CAV3: variants seen among roughly 807,000 people sequenced by gnomAD.
CAV3 encodes caveolin 3.
CAV3 carries 10 observed loss-of-function variants against 13.4 expected under a neutral mutation model. The ratio of observed to expected loss-of-function variants is 0.75; its 90% confidence interval spans 0.46 to 1.27. CAV3 has a LOEUF of 1.27. Ranked by LOEUF, CAV3 falls within the 50% of genes most tolerant of loss-of-function variation. CAV3 has a pLI of 0.00. For synonymous variants in CAV3, 90 were observed against 79.0 expected (o/e 1.14, Z -0.74); for missense variants, 162 against 194.0 (o/e 0.83, Z 0.98).
chr3:8,745,091 G>C lies in CAV3; in HGVS notation c.115-435G>C, dbSNP rs147040369. On this transcript the variant is annotated intron_variant, in intron 1 of 1. Coordinates refer to ENST00000343849, the MANE Select transcript of CAV3 (RefSeq NM_033337.3). The surrounding 1 kb of genome is among the most constrained non-coding windows in gnomAD (Gnocchi z 4.8). ...GGGAGGTGATCGGATCACAGAGGCA[G>C]ATCCCTCGTGGCTTAGTGCTGTCCT... is the stretch of plus-strand genomic sequence containing the variant. 109 of 176,542 alleles carry C rather than the reference G, an allele frequency of 6.2e-4. No homozygotes were observed. Among genetic ancestry groups the C allele is most frequent in the Middle Eastern group, 5.6e-3 (2 of 356 alleles). The allele number at this position is 176,542 out of a possible 1,614,324, so 10.9% of individuals were successfully genotyped here.
chr3:8,744,722 T>A (rs1041661094), intron 1 of CAV3: 2 of 152,208 alleles, frequency 1.3e-5, no homozygotes, highest in African/African-American at 4.8e-5. Flanking sequence ...AATCCACAGG[T>A]GCTCAGTAAA....
At chr3:8,737,698 G>A (rs567650504) in intron 1 of CAV3, among the ~76,000 whole-genome samples, 6 of 152,272 alleles carry the variant, frequency 3.9e-5, no homozygotes, top group East Asian at 1.9e-4. Context: ...CTGAATGCCT[G>A]TTCAGCACAG....
chr3:8,741,942 C>T (rs1410404397), intron 1 of CAV3, among the ~76,000 whole-genome samples: 4 of 152,184 alleles, frequency 2.6e-5, no homozygotes, highest in African/African-American at 7.2e-5. Context: ...GAATGTGCAC[C>T]ATCGTTCCCC....
intron 1 of CAV3, among the ~76,000 whole-genome samples, chr3:8,735,602 TG>T (rs1269670208): frequency 6.6e-6 from 1 of 152,224 alleles, no homozygotes; most frequent in Admixed American, 6.5e-5. Context: ...TCCTGGCCAC[TG>T]GATCAGACAG....
intron 1 of CAV3, chr3:8,742,391 A>T: frequency 2.7e-6 from 1 of 367,354 alleles, no homozygotes; most frequent in South Asian, 2.0e-5. Context: ...GAAGAAGAAG[A>T]AAGATAATTA....
chr3:8,740,551 G>A (rs1707922638), intron 1 of CAV3, among the ~76,000 whole-genome samples: 1 of 152,188 alleles, frequency 6.6e-6, no homozygotes, highest in East Asian at 1.9e-4. Context: ...CTTCTGGCAG[G>A]TTCTTCTCTC....
chr3:8,741,268 G>A (rs1275648919), intron 1 of CAV3, among the ~76,000 whole-genome samples: 5 of 152,146 alleles, frequency 3.3e-5, no homozygotes, highest in African/African-American at 4.8e-5. Context: ...GAAAACAGCC[G>A]TACAGTTACA....
intron 1 of CAV3, among the ~76,000 whole-genome samples, chr3:8,734,886 T>C (rs1707696042): frequency 6.6e-6 from 1 of 152,158 alleles, no homozygotes; most frequent in Non-Finnish European, 1.5e-5. Flanking sequence ...GCCCAGCTAA[T>C]TTTTGTATTT....
In CAV3 at chr3:8,745,298, T is replaced by A. The variant is rs1189713230; in HGVS notation, c.115-228T>A. 1.3e-5 allele frequency among the ~76,000 whole-genome samples: 2 copies of A among 152,146 alleles called. No homozygotes were observed. The highest frequency in any genetic ancestry group is 6.5e-5 in the Admixed American group (1 of 15,274). ...GCCAAGCAGATGCCAGCACCATGATTCCTGCACAGATCACAGACCCATGGG... is the reference window on the plus strand; with the variant it reads ...GCCAAGCAGATGCCAGCACCATGATACCTGCACAGATCACAGACCCATGGG... On this transcript the variant is annotated intron_variant, in intron 1 of 1. Transcript: ENST00000343849. The surrounding 1 kb of genome is among the most constrained non-coding windows in gnomAD (Gnocchi z 4.8).
At position 8,734,205 on chromosome 3, in the gene CAV3, A is replaced by C. The variant is rs528327767; in HGVS notation, c.114+215A>C. The stretch of plus-strand genomic sequence containing the variant: ...TTAGCAAAATCAAGAGCAAAAAATT[A>C]GCCTCATCTCCATGACCTAAGTGCT... On this transcript the variant is annotated intron_variant, in intron 1 of 1. Coordinates refer to ENST00000343849, the MANE Select transcript of CAV3 (RefSeq NM_033337.3). 1.7e-3 allele frequency among the ~76,000 whole-genome samples: 252 copies of C among 150,604 alleles called. 1 individual carries two copies. The highest frequency in any genetic ancestry group is 5.8e-3 in the African/African-American group (239 of 40,996).
Position 8,734,882 on chromosome 3 carries a change from C to T in CAV3, c.114+892C>T, listed in dbSNP as rs145467982. On this transcript the variant is annotated intron_variant, in intron 1 of 1. Coordinates refer to ENST00000343849, the MANE Select transcript of CAV3 (RefSeq NM_033337.3). ...CACAGGCGAGTGCCACCATGCCCAGCTAATTTTTGTATTTTTAGTAGAGAC... is the reference window on the plus strand; with the variant it reads ...CACAGGCGAGTGCCACCATGCCCAGTTAATTTTTGTATTTTTAGTAGAGAC... Among the ~76,000 whole-genome samples the T allele has an allele frequency of 2.8e-3, 433 of 152,298 alleles. 3 individuals carry two copies. The highest frequency in any genetic ancestry group is 9.8e-3 in the African/African-American group (408 of 41,572).
At chr3:8,737,885 C>T (rs1707812992) in intron 1 of CAV3, among the ~76,000 whole-genome samples, 1 of 152,100 alleles carries the variant, frequency 6.6e-6, no homozygotes, top group Non-Finnish European at 1.5e-5. Context: ...CCTAGCCCCA[C>T]TACAGGTATA....
In CAV3 at chr3:8,745,260, G is replaced by A. The variant is rs1000689596; in HGVS notation, c.115-266G>A. ...CTAGCCATGGTTGAAAGCTCCCTGC[G>A]GCCTCACCTGAAGCCAAGCAGATGC... On this transcript the variant is annotated intron_variant, in intron 1 of 1. Transcript: ENST00000343849. This position sits in a 1 kb window ranked among gnomAD's most constrained non-coding sequence, Gnocchi z 4.8. Among the ~76,000 whole-genome samples, 5 of 152,042 alleles carry A rather than the reference G, an allele frequency of 3.3e-5. No individual in the cohort carries two copies. Among genetic ancestry groups the A allele is most frequent in the Admixed American group, 2.0e-4 (3 of 15,270 alleles).
chr3:8,735,630 T>C (rs892949918), intron 1 of CAV3, among the ~76,000 whole-genome samples: 1 of 152,212 alleles, frequency 6.6e-6, no homozygotes, highest in African/African-American at 2.4e-5. Context: ...ATTGCGGTCT[T>C]TCAGTGGGGC....
Position 8,746,615 on chromosome 3 carries a change from C to A in CAV3, c.*748C>A, listed in dbSNP as rs904561635. 5.3e-5 allele frequency: 8 copies of A among 152,096 alleles called. No individual in the cohort carries two copies. The highest frequency in any genetic ancestry group is 1.9e-4 in the African/African-American group (8 of 41,404). The allele number at this position is 152,096 out of a possible 1,614,324, so 9.4% of individuals were successfully genotyped here. On this transcript the variant is annotated 3_prime_UTR_variant, in exon 2 of 2. Coordinates refer to ENST00000343849, the MANE Select transcript of CAV3 (RefSeq NM_033337.3). Reference sequence around the variant, plus strand: ...CCTGGGTTCAAGCCTCCCGGAACCTCCCCTTTGGCTAACCGAGCCCCTGAA... The same window carrying A: ...CCTGGGTTCAAGCCTCCCGGAACCTACCCTTTGGCTAACCGAGCCCCTGAA...
intron 1 of CAV3, among the ~76,000 whole-genome samples, chr3:8,740,897 C>T (rs1707935644): frequency 6.6e-6 from 1 of 152,338 alleles, no homozygotes; most frequent in African/African-American, 2.4e-5. Flanking sequence ...TTCAATCACC[C>T]TGCTGTCAGG....
intron 1 of CAV3, 29 bp downstream of exon 1, chr3:8,734,019 C>CCT: frequency 1.5e-6 from 2 of 1,345,604 alleles, no homozygotes; most frequent in Non-Finnish European, 2.1e-6. Flanking sequence ...CCTCGGCGGG[C>CCT]GGAGAGTGTC....
At chr3:8,742,486 G>A (rs537079304) in intron 1 of CAV3, 95 of 456,606 alleles carry the variant, frequency 2.1e-4, no homozygotes, top group South Asian at 1.2e-3. Context: ...GACTCCATCC[G>A]TCTTATCAGC....
chr3:8,737,883 C>T (rs1707812816), intron 1 of CAV3, among the ~76,000 whole-genome samples: 1 of 152,054 alleles, frequency 6.6e-6, no homozygotes, highest in South Asian at 2.1e-4. Flanking sequence ...GTCCTAGCCC[C>T]ACTACAGGTA....
Sources: gnomAD v4.1 joint callset for allele counts (sites outside exome capture counted in the v4.1 genomes callset) on GRCh38, gnomAD v4.1.1 for gene constraint, Gnocchi (gnomAD v3.1) non-coding constraint, MANE v1.5 for transcripts, NCBI Gene and HGNC (gene_info 2026-07-23, HGNC 2026-07-21) for gene names.